The following SLC17A1 variants were observed in gnomAD, a reference collection of about 807,000 sequenced individuals.
The protein encoded by SLC17A1 is solute carrier family 17 member 1, also known as sodium-dependent phosphate transport protein 1.
A neutral mutation model predicts 53.5 loss-of-function variants in SLC17A1; 51 were observed. The ratio of observed to expected loss-of-function variants is 0.95; its 90% CI spans 0.76 to 1.20. The LOEUF (loss-of-function observed/expected upper bound fraction) is 1.20. SLC17A1 is among the 50% of genes most tolerant of loss of function. The pLI, the probability that SLC17A1 is intolerant of heterozygous loss-of-function variation, is 0.00. For synonymous variants in SLC17A1, 179 were observed against 198.8 expected, an observed-to-expected ratio of 0.90 and a Z score of 0.84; for missense variants, 538 against 568.2, an observed-to-expected ratio of 0.95 and a Z score of 0.54.
chr6:25,782,764 C>T (rs1763293208), downstream of SLC17A1: 1 of 152,112 alleles, frequency 6.6e-6, no homozygotes, highest in Non-Finnish European at 1.5e-5. Flanking sequence ...CTGGGCCCAC[C>T]AGCGAGGGAG....
At chr6:25,808,922 T>C (rs1451492456) in intron 10 of SLC17A1, among the ~76,000 whole-genome samples, 1 of 151,974 alleles carries the variant, frequency 6.6e-6, no homozygotes, top group African/African-American at 2.4e-5. Flanking sequence ...AAGGAAAAGA[T>C]ATTATTGTAT....
intron 12 of SLC17A1, among the ~76,000 whole-genome samples, chr6:25,787,397 A>C (rs577949059): frequency 4.6e-5 from 7 of 152,250 alleles, no homozygotes; most frequent in South Asian, 4.1e-4. Context: ...CTGCAGGGCC[A>C]GATTAAGAAC....
chr6:25,803,721 G>C (rs747561698), intron 10 of SLC17A1, among the ~76,000 whole-genome samples: 1 of 152,000 alleles, frequency 6.6e-6, no homozygotes, highest in African/African-American at 2.4e-5. Context: ...TTAACTGGTA[G>C]GTTGTTATGA....
At chr6:25,764,235 A>G in the SLC17A1 span, among the ~76,000 whole-genome samples, 1 of 152,156 alleles carries the variant, frequency 6.6e-6, no homozygotes, top group Non-Finnish European at 1.5e-5. Flanking sequence ...TGGAATCCTG[A>G]GGATTGTAGC....
chr6:25,815,324 T>C (rs561633067), intron 6 of SLC17A1, among the ~76,000 whole-genome samples: 1 of 151,902 alleles, frequency 6.6e-6, no homozygotes, highest in East Asian at 1.9e-4. Context: ...TTCTTAAAAT[T>C]AATAATAAAC....
chr6:25,788,012 T>C (rs1763420163), intron 12 of SLC17A1, among the ~76,000 whole-genome samples: 1 of 152,202 alleles, frequency 6.6e-6, no homozygotes, highest in African/African-American at 2.4e-5. Flanking sequence ...ATTAGTTTGT[T>C]ACTGAGTAGT....
chr6:25,769,305 C>G, the SLC17A1 span: 1 of 992,210 alleles, frequency 1.0e-6, no homozygotes, highest in African/African-American at 1.6e-5. Flanking sequence ...GTACTATGTG[C>G]CAGGAATGGC....
the SLC17A1 span, among the ~76,000 whole-genome samples, chr6:25,740,886 C>A: frequency 6.6e-6 from 1 of 152,032 alleles, no homozygotes; most frequent in Non-Finnish European, 1.5e-5. Context: ...CGTGGGCGAA[C>A]CTGGAGGATG....
intron 5 of SLC17A1, 69 bp downstream of exon 5, chr6:25,819,442 G>A: frequency 7.9e-7 from 1 of 1,260,096 alleles, no homozygotes; most frequent in South Asian, 1.2e-5. Context: ...ATTTCTTATG[G>A]CTCTAGGGAA....
At chr6:25,830,165 T>A (rs1250146198) in intron 2 of SLC17A1, among the ~76,000 whole-genome samples, 4 of 152,298 alleles carry the variant, frequency 2.6e-5, no homozygotes, top group African/African-American at 9.6e-5. Context: ...GCTGTTGATG[T>A]CCAAGAATGC....
the SLC17A1 span, among the ~76,000 whole-genome samples, chr6:25,764,076 AG>A: frequency 2.0e-5 from 3 of 152,190 alleles, no homozygotes; most frequent in Non-Finnish European, 4.4e-5. Context: ...ATTTTTCAGG[AG>A]GACACCCCAA....
intron 5 of SLC17A1, 68 bp from the exon 6 acceptor site, chr6:25,819,222 C>A: frequency 9.0e-7 from 1 of 1,105,418 alleles, no homozygotes; most frequent in Non-Finnish European, 1.3e-6. Context: ...AATGTAGCCT[C>A]ACTGTAGCAA....
At chr6:25,771,839 G>C in the SLC17A1 span, among the ~76,000 whole-genome samples, 31 of 152,282 alleles carry the variant, frequency 2.0e-4, no homozygotes, top group African/African-American at 7.5e-4. Context: ...AATACACAGA[G>C]AGATGCTGCA....
At chr6:25,764,084 C>A in the SLC17A1 span, among the ~76,000 whole-genome samples, 1 of 152,154 alleles carries the variant, frequency 6.6e-6, no homozygotes, top group South Asian at 2.1e-4. Flanking sequence ...GGAGGACACC[C>A]CAAAGTCACA....
chr6:25,783,558 A>G lies in SLC17A1; in HGVS notation c.*3-340T>C, dbSNP rs1436778189. 4.6e-5 allele frequency among the ~76,000 whole-genome samples: 7 copies of G among 152,206 alleles called. No homozygotes were observed. In the East Asian group the frequency reaches 7.7e-4, roughly 17 times the overall value. On this transcript the variant is annotated intron_variant, in intron 12 of 12. Coordinates refer to ENST00000244527, the MANE Select transcript of SLC17A1 (RefSeq NM_005074.5). ...ACCATCCATCAGTTGCTCTATATCT[A>G]TGTTGTATCCTGAAAACAAAACAAA... is the stretch of plus-strand genomic sequence containing the variant.
At chr6:25,734,118 A>C in the SLC17A1 span, among the ~76,000 whole-genome samples, 139 of 152,156 alleles carry the variant, frequency 9.1e-4, 4 homozygotes, top group South Asian at 0.02. Context: ...ACACGGCCAA[A>C]AGTTATTTTC....
chr6:25,803,784 AC>A (rs1188324031), intron 10 of SLC17A1, among the ~76,000 whole-genome samples: 1 of 152,060 alleles, frequency 6.6e-6, no homozygotes, highest in Non-Finnish European at 1.5e-5. Context: ...GGAGCAGCTA[AC>A]CCTTACACAG....
chr6:25,817,908 T>C (rs551142095), intron 6 of SLC17A1, among the ~76,000 whole-genome samples: 5 of 152,350 alleles, frequency 3.3e-5, no homozygotes, highest in African/African-American at 1.2e-4. Flanking sequence ...ATGCTGACCA[T>C]TGTCTACTAC....
At chr6:25,771,106 T>C in the SLC17A1 span, 5 of 1,023,648 alleles carry the variant, frequency 4.9e-6, no homozygotes, top group Admixed American at 8.7e-5. Flanking sequence ...ATATGGATAT[T>C]TACATAGCTA....
Sources: gnomAD v4.1 joint callset for allele counts (sites outside exome capture counted in the v4.1 genomes callset) on GRCh38, gnomAD v4.1.1 for gene constraint, MANE v1.5 for transcripts, NCBI Gene and HGNC (gene_info 2026-07-23, HGNC 2026-07-21) for gene names.